The following VPS13B variants were observed in gnomAD, a reference collection of about 807,000 sequenced individuals.
VPS13B encodes intermembrane lipid transfer protein VPS13B.
Under a neutral mutation model 426.4 loss-of-function variants are expected in VPS13B, and 285 were observed. That is an observed-to-expected ratio of 0.67 (90% CI 0.61 to 0.74). The LOEUF (loss-of-function observed/expected upper bound fraction) is 0.74. Among genes scored for constraint, VPS13B ranks in the 30% least tolerant of loss-of-function variants. The pLI is 0.00. For synonymous variants in VPS13B, 1,676 were observed against 1,676.4 expected (o/e 1.00, Z 0.01); for missense variants, 4,537 against 4,782.6 (o/e 0.95, Z 1.51).
intron 8 of VPS13B, among the ~76,000 whole-genome samples, chr8:99,128,888 C>T (rs965254929): frequency 1.3e-5 from 2 of 152,044 alleles, no homozygotes; most frequent in African/African-American, 2.4e-5. Flanking sequence ...GCCTGTAATC[C>T]CAGCACTTTG....
intron 8 of VPS13B, among the ~76,000 whole-genome samples, chr8:99,126,859 C>T (rs770854662): frequency 6.6e-6 from 1 of 152,060 alleles, no homozygotes; most frequent in Admixed American, 6.5e-5. Context: ...TTTAGGAGGC[C>T]AAAGCAGGCG....
intron 20 of VPS13B, among the ~76,000 whole-genome samples, chr8:99,386,155 A>G (rs1242471684): frequency 6.6e-6 from 1 of 152,198 alleles, no homozygotes; most frequent in Non-Finnish European, 1.5e-5. Context: ...TCTCTAAGTA[A>G]TACAGTTATT....
intron 35 of VPS13B, among the ~76,000 whole-genome samples, chr8:99,674,827 A>G (rs1221647893): frequency 6.6e-6 from 1 of 152,092 alleles, no homozygotes; most frequent in Non-Finnish European, 1.5e-5. Flanking sequence ...TCATGTACAC[A>G]AAAAACCTCT....
At chr8:99,686,529 C>T (rs191205519) in intron 35 of VPS13B, among the ~76,000 whole-genome samples, 5 of 152,068 alleles carry the variant, frequency 3.3e-5, no homozygotes, top group Admixed American at 6.5e-5. Flanking sequence ...ACTTGGTGCT[C>T]CATTCTACTG....
intron 17 of VPS13B, among the ~76,000 whole-genome samples, chr8:99,226,497 T>G (rs1222301218): frequency 6.6e-6 from 1 of 152,104 alleles, no homozygotes; most frequent in Non-Finnish European, 1.5e-5. Flanking sequence ...GAAATTTAGG[T>G]GATTTATTGT....
At position 99,110,130 on chromosome 8, in the gene VPS13B, A is replaced by G. The variant is rs989056672; in HGVS notation, c.581-968A>G. 3.3e-5 allele frequency among the ~76,000 whole-genome samples: 5 copies of G among 152,188 alleles called. No homozygotes were observed. The East Asian group carries it at 5.8e-4, about 18-fold the overall frequency. ...TCTGCAAATAATACTGTTTAGACAC[A>G]TCTTCTTTAATTTCTACTTTTTAAA... On this transcript the variant is annotated intron_variant, in intron 5 of 61. Transcript: ENST00000357162.
At chr8:99,712,850 T>C (rs1004885133) in intron 36 of VPS13B, among the ~76,000 whole-genome samples, 3 of 152,180 alleles carry the variant, frequency 2.0e-5, no homozygotes, top group African/African-American at 4.8e-5. Context: ...AATTTTTTTT[T>C]CATTCTCTCC....
intron 21 of VPS13B, among the ~76,000 whole-genome samples, chr8:99,409,549 G>T (rs1178194494): frequency 6.6e-6 from 1 of 151,936 alleles, no homozygotes; most frequent in Non-Finnish European, 1.5e-5. Flanking sequence ...TTAAATATTT[G>T]CAATTAGATA....
intron 33 of VPS13B, among the ~76,000 whole-genome samples, chr8:99,628,556 A>G (rs1828708133): frequency 6.6e-6 from 1 of 152,214 alleles, no homozygotes; most frequent in Non-Finnish European, 1.5e-5. Flanking sequence ...GTAGCAGTGG[A>G]CAAGACTAAT....
chr8:99,255,934 G>A (rs1817723016), intron 17 of VPS13B, among the ~76,000 whole-genome samples: 1 of 152,132 alleles, frequency 6.6e-6, no homozygotes, highest in African/African-American at 2.4e-5. Flanking sequence ...GGGATGTTGG[G>A]GTTCATGTTA....
chr8:99,688,030 T>C (rs572277786), intron 35 of VPS13B, among the ~76,000 whole-genome samples: 5 of 151,706 alleles, frequency 3.3e-5, no homozygotes, highest in Non-Finnish European at 7.4e-5. Context: ...GGGAACAATA[T>C]GAACAAGGCC....
intron 22 of VPS13B, among the ~76,000 whole-genome samples, chr8:99,437,460 G>A (rs1817443588): frequency 6.6e-6 from 1 of 151,672 alleles, no homozygotes; most frequent in Non-Finnish European, 1.5e-5. Context: ...GCTCACATCT[G>A]TAATCCCAGC....
At chr8:99,689,143 C>G (rs974440776) in intron 35 of VPS13B, among the ~76,000 whole-genome samples, 1 of 151,916 alleles carries the variant, frequency 6.6e-6, no homozygotes, top group African/African-American at 2.4e-5. Context: ...GGGGCGGTTT[C>G]ATCTTTATAT....
intron 17 of VPS13B, among the ~76,000 whole-genome samples, chr8:99,237,751 A>G (rs1263265476): frequency 6.6e-6 from 1 of 152,178 alleles, no homozygotes; most frequent in African/African-American, 2.4e-5. Context: ...GATCTTATCC[A>G]TGTGACCCGA....
At chr8:99,476,534 T>C (rs1344650235) in intron 24 of VPS13B, among the ~76,000 whole-genome samples, 1 of 151,958 alleles carries the variant, frequency 6.6e-6, no homozygotes, top group Non-Finnish European at 1.5e-5. Context: ...AATCCAACTA[T>C]TGAAAGCCAC....
intron 19 of VPS13B, among the ~76,000 whole-genome samples, chr8:99,373,165 G>A (rs1813285879): frequency 6.6e-6 from 1 of 152,080 alleles, no homozygotes; most frequent in Non-Finnish European, 1.5e-5. Context: ...CCTGTTGGGA[G>A]GTGGGGGGCA....
intron 21 of VPS13B, among the ~76,000 whole-genome samples, chr8:99,428,822 C>G (rs1173542810): frequency 6.6e-6 from 1 of 152,172 alleles, no homozygotes; most frequent in Non-Finnish European, 1.5e-5. Context: ...TATAAAGACA[C>G]ATGCACACGT....
intron 17 of VPS13B, among the ~76,000 whole-genome samples, chr8:99,263,316 T>C (rs1361846434): frequency 6.6e-6 from 1 of 152,174 alleles, no homozygotes; most frequent in Non-Finnish European, 1.5e-5. Context: ...TAGGCAGGAG[T>C]ATGTAGATAT....
At chr8:99,707,642 G>A (rs1446527957) in intron 36 of VPS13B, among the ~76,000 whole-genome samples, 1 of 152,126 alleles carries the variant, frequency 6.6e-6, no homozygotes, top group Non-Finnish European at 1.5e-5. Flanking sequence ...CTTAGTCTCA[G>A]ACAAATTCAT....
Sources: gnomAD v4.1 joint callset for allele counts (sites outside exome capture counted in the v4.1 genomes callset) on GRCh38, gnomAD v4.1.1 for gene constraint, MANE v1.5 for transcripts, NCBI Gene and HGNC (gene_info 2026-07-23, HGNC 2026-07-21) for gene names.